Variants in GALNT15 observed in about 807,000 individuals in gnomAD.
GALNT15 encodes the protein UDP-GalNAc transferase T15.
Under a neutral mutation model 66.8 loss-of-function variants are expected in GALNT15, and 67 were observed. The ratio of observed to expected loss-of-function variants is 1.00; its 90% CI spans 0.82 to 1.23. The LOEUF (loss-of-function observed/expected upper bound fraction) is 1.23, where lower values mean the gene tolerates loss of function less well. Among genes scored for constraint, GALNT15 ranks in the 50% most tolerant of loss-of-function variants. The pLI is 0.00. For synonymous variants in GALNT15, 313 were observed against 311.5 expected, an observed-to-expected ratio of 1.00 and a Z score of -0.05; for missense variants, 827 against 804.3, an observed-to-expected ratio of 1.03 and a Z score of -0.34.
At chr3:16,232,497 TA>T (rs2064094138), downstream of GALNT15, among the ~76,000 whole-genome samples, 3 of 87,122 alleles carry the variant, frequency 3.4e-5, no homozygotes, top group African/African-American at 1.5e-4. Flanking sequence ...TATATATATA[TA>T]TATATATATA....
In GALNT15 at chr3:16,212,703, GC is replaced by G. The variant is rs779259730; in HGVS notation, c.1333del (p.Leu445TrpfsTer18). The G allele has an allele frequency of 6.2e-7, 1 of 1,614,024 alleles. No individual in the cohort carries two copies. The highest frequency in any genetic ancestry group is 1.3e-5 in the African/African-American group (1 of 75,048). Reference sequence around the variant, plus strand: ...ACAGGGTTCGCATTGCTGAGACCTGGCTGGGGTCATTCAAAGAAACCTTCTA... The same window carrying G: ...ACAGGGTTCGCATTGCTGAGACCTGGTGGGGTCATTCAAAGAAACCTTCTA... ...RNRVRIAETW[L>X]GSFKETFYKH... On this transcript the variant is annotated frameshift_variant, in exon 6 of 10. Transcript: ENST00000339732. LOFTEE classifies it high-confidence loss of function.
In GALNT15 at chr3:16,195,754, C is replaced by G; in HGVS notation, c.540-6C>G. 6.2e-7 allele frequency: 1 copy of G among 1,608,262 alleles called. No individual in the cohort carries two copies. Among genetic ancestry groups the G allele is most frequent in the Non-Finnish European group, 8.5e-7 (1 of 1,175,882 alleles). On this transcript the variant is annotated splice_region_variant and splice_polypyrimidine_tract_variant and intron_variant, in intron 1 of 9. Transcript: ENST00000339732. This position sits in a 1 kb window ranked among gnomAD's most constrained non-coding sequence, Gnocchi z 4.6. ...CCCCATGGCTCTCTGGCTCTCTTCC[C>G]TGCAGGTGTCTGCAGCAGCACCCTC...
At chr3:16,205,142 C>T (rs549873171) in intron 3 of GALNT15, among the ~76,000 whole-genome samples, 2 of 152,312 alleles carry the variant, frequency 1.3e-5, no homozygotes, top group South Asian at 2.1e-4. Flanking sequence ...GCCAGTCCTG[C>T]GGTCACAACT....
chr3:16,227,444 G>A lies in GALNT15; in HGVS notation c.1864G>A (p.Gly622Arg). 1 of 1,614,182 alleles carries A rather than the reference G, an allele frequency of 6.2e-7. No homozygotes were observed. Among genetic ancestry groups the A allele is most frequent in the Non-Finnish European group, 8.5e-7 (1 of 1,180,028 alleles). Residue 622 changes from glycine to arginine, a missense_variant, in exon 10 of 10, where the codon GGA (glycine) becomes AGA (arginine). Physicochemically the swap from Gly to Arg is moderately radical, Grantham distance 125. Transcript: ENST00000339732. The surrounding 1 kb of genome is among the most constrained non-coding windows in gnomAD (Gnocchi z 4.5). ...AGATTTGTACCTGCGTCCGTGTGATGGAAAAGCCCGCCAGCAGTGGCGTTT... is the reference window on the plus strand; with the variant it reads ...AGATTTGTACCTGCGTCCGTGTGATAGAAAAGCCCGCCAGCAGTGGCGTTT... ...NKDLYLRPCD[G>R]KARQQWRFDQ... is the part of the protein sequence containing the mutation.
intron 8 of GALNT15, among the ~76,000 whole-genome samples, chr3:16,220,661 A>G (rs1171118885): frequency 6.6e-6 from 1 of 152,258 alleles, no homozygotes; most frequent in Non-Finnish European, 1.5e-5. Flanking sequence ...CTTTTAAGTT[A>G]TCACATCCCA....
chr3:16,179,308 C>T (rs1264587900), intron 1 of GALNT15, among the ~76,000 whole-genome samples: 1 of 152,148 alleles, frequency 6.6e-6, no homozygotes, highest in African/African-American at 2.4e-5. Context: ...GTTATCTGAC[C>T]AGGTGAGTCT....
chr3:16,226,187 G>A (rs934103295), intron 9 of GALNT15, among the ~76,000 whole-genome samples: 2 of 152,206 alleles, frequency 1.3e-5, no homozygotes, highest in Non-Finnish European at 2.9e-5. Context: ...GTTTCTGGGA[G>A]GAGGGAGGAA....
At chr3:16,248,079 A>G in the GALNT15 span, among the ~76,000 whole-genome samples, 1 of 152,192 alleles carries the variant, frequency 6.6e-6, no homozygotes, top group Non-Finnish European at 1.5e-5. This position sits in a 1 kb window ranked among gnomAD's most constrained non-coding sequence, Gnocchi z 4.9. Flanking sequence ...TTTCTCCTGC[A>G]GTTTACTGAC....
chr3:16,226,623 T>A lies in GALNT15; in HGVS notation c.1774-731T>A, dbSNP rs1037405460. ...TCAAGAAAACAGCAAGGGGGAAGTC[T>A]GCCCCATGATTCAATCACCTCCCAC... On this transcript the variant is annotated intron_variant, in intron 9 of 9. Coordinates refer to ENST00000339732, the MANE Select transcript of GALNT15 (RefSeq NM_054110.5). Among the ~76,000 whole-genome samples the A allele has an allele frequency of 9.2e-5, 14 of 152,264 alleles. No individual in the cohort carries two copies. In the East Asian group the frequency reaches 2.7e-3, roughly 29 times the overall value.
In GALNT15 at chr3:16,175,737, G is replaced by T. The variant is rs758534312; in HGVS notation, c.539+47G>T. ...CCTTCCCTGATCCCAGGGCATGATC[G>T]GGTGGTAGCAAACTCGGGAATGCAA... is the stretch of plus-strand genomic sequence containing the variant. On this transcript the variant is annotated intron_variant, in intron 1 of 9. Transcript: ENST00000339732. The surrounding 1 kb of genome is among the most constrained non-coding windows in gnomAD (Gnocchi z 5.6). 2.0e-6 allele frequency: 3 copies of T among 1,492,482 alleles called. No homozygotes were observed. Among genetic ancestry groups the T allele is most frequent in the Non-Finnish European group, 1.8e-6 (2 of 1,116,478 alleles). The allele number at this position is 1,492,482 out of a possible 1,614,324, so 92.5% of individuals were successfully genotyped here.
chr3:16,200,983 A>G lies in GALNT15; in HGVS notation c.911+160A>G, dbSNP rs1187830959. On this transcript the variant is annotated intron_variant, in intron 3 of 9. Transcript: ENST00000339732. The surrounding 1 kb of genome is among the most constrained non-coding windows in gnomAD (Gnocchi z 4.4). ...TCAGATGTGTAAGTTTTTTAAGACT[A>G]TAGAGTTAGAGTTGGAAAGGAGGTT... 6.6e-6 allele frequency among the ~76,000 whole-genome samples: 1 copy of G among 151,962 alleles called. No homozygotes were observed. The highest frequency in any genetic ancestry group is 2.4e-5 in the African/African-American group (1 of 41,254).
In GALNT15 at chr3:16,189,877, G is replaced by T. The variant is rs896271130; in HGVS notation, c.540-5883G>T. ...TGAGAAATGAGAATTAGTGACTGAA[G>T]TATAACTGAGTCTGTTGGTCTGGAG... On this transcript the variant is annotated intron_variant, in intron 1 of 9. Coordinates refer to ENST00000339732, the MANE Select transcript of GALNT15 (RefSeq NM_054110.5). The surrounding 1 kb of genome is among the most constrained non-coding windows in gnomAD (Gnocchi z 5.1). Among the ~76,000 whole-genome samples, 2 of 152,224 alleles carry T rather than the reference G, an allele frequency of 1.3e-5. No homozygotes were observed. Among genetic ancestry groups the T allele is most frequent in the Non-Finnish European group, 2.9e-5 (2 of 68,036 alleles).
chr3:16,211,651 A>T lies in GALNT15; in HGVS notation c.1197+410A>T, dbSNP rs533078318. Among the ~76,000 whole-genome samples, 1 of 152,300 alleles carries T rather than the reference A, an allele frequency of 6.6e-6. No individual in the cohort carries two copies. Among genetic ancestry groups the T allele is most frequent in the South Asian group, 2.1e-4 (1 of 4,826 alleles). On this transcript the variant is annotated intron_variant, in intron 5 of 9. Transcript: ENST00000339732. This position sits in a 1 kb window ranked among gnomAD's most constrained non-coding sequence, Gnocchi z 4.3. ...AAACAATGTAATACTTGTCATAAAA[A>T]CTTAGCACCTGTTGGGCACCACACA...
Position 16,219,936 on chromosome 3 carries a change from T to G in GALNT15, c.1551T>G (p.Cys517Trp), listed in dbSNP as rs138001929. 10 of 1,614,092 alleles carry G rather than the reference T, an allele frequency of 6.2e-6. No individual in the cohort carries two copies. The highest frequency in any genetic ancestry group is 8.5e-6 in the Non-Finnish European group (10 of 1,180,042). ...TCCACAACACTGGACTTGGGCTCTGTGCAGACTGCCAGGCAGAAGGGGACA... is the reference window on the plus strand; with the variant it reads ...TCCACAACACTGGACTTGGGCTCTGGGCAGACTGCCAGGCAGAAGGGGACA... ...GKLHNTGLGL[C>W]ADCQAEGDIL... Residue 517 changes from cysteine to tryptophan, a missense_variant, in exon 8 of 10, where the codon TGT becomes TGG. Physicochemically the swap from Cys to Trp is radical, Grantham distance 215. Transcript: ENST00000339732. The surrounding 1 kb of genome is among the most constrained non-coding windows in gnomAD (Gnocchi z 4.3).
chr3:16,244,594 C>A, the GALNT15 span, among the ~76,000 whole-genome samples: 1 of 152,200 alleles, frequency 6.6e-6, no homozygotes, highest in African/African-American at 2.4e-5. Context: ...CTAGAGAAAG[C>A]TACATGTTTT....
rs369482603 is a variant in GALNT15 at position 16,224,607 on chromosome 3, T to C, written c.1773+1849T>C. ...TCTGTTTCATAACAATGTGAATATA[T>C]TTAACACTATTGTAGTAGGCTATTC... On this transcript the variant is annotated intron_variant, in intron 9 of 9. Transcript: ENST00000339732. The surrounding 1 kb of genome is among the most constrained non-coding windows in gnomAD (Gnocchi z 5.2). Among the ~76,000 whole-genome samples the C allele has an allele frequency of 1.3e-5, 2 of 151,600 alleles. No individual in the cohort carries two copies. Among genetic ancestry groups the C allele is most frequent in the South Asian group, 4.2e-4 (2 of 4,796 alleles).
At chr3:16,201,768 A>G (rs1394269132) in intron 3 of GALNT15, among the ~76,000 whole-genome samples, 1 of 152,146 alleles carries the variant, frequency 6.6e-6, no homozygotes, top group Non-Finnish European at 1.5e-5. Flanking sequence ...CTGACCGTCA[A>G]TCTCTTTCTC....
In GALNT15 at chr3:16,212,655, C is replaced by T. The variant is rs754790636; in HGVS notation, c.1284C>T (p.Leu428=). 2.0e-5 allele frequency: 32 copies of T among 1,613,850 alleles called. No homozygotes were observed. Among genetic ancestry groups the T allele is most frequent in the Non-Finnish European group, 2.5e-5 (30 of 1,179,982 alleles). The change falls in exon 6 of 10, where the codon CTC becomes CTT. Residue 428 remains leucine (L), a synonymous_variant. Coordinates refer to ENST00000339732, the MANE Select transcript of GALNT15 (RefSeq NM_054110.5). ...AAAATCAGGATTCCCATTCCCCCCTCGACCAGGAGGCCACCCTGAGGAACA... is the reference window on the plus strand; with the variant it reads ...AAAATCAGGATTCCCATTCCCCCCTTGACCAGGAGGCCACCCTGAGGAACA... ...IYQNQDSHSP[L]DQEATLRNRV...
Position 16,229,731 on chromosome 3 carries a change from A to G in GALNT15, c.*2231A>G, listed in dbSNP as rs2064064190. ...ATAAATTAATATAATTAAATAAAAG[A>G]CTGAATTTAATTGCATAAATTGTAT... On this transcript the variant is annotated 3_prime_UTR_variant, in exon 10 of 10. Transcript: ENST00000339732. 1 of 978,114 alleles carries G rather than the reference A, an allele frequency of 1.0e-6. No individual in the cohort carries two copies. The highest frequency in any genetic ancestry group is 1.2e-6 in the Non-Finnish European group (1 of 823,280). 60.6% of individuals were successfully genotyped at this position (978,114 alleles called of 1,614,324 possible).
Sources: allele counts gnomAD v4.1 joint callset (sites outside exome capture counted in the v4.1 genomes callset), GRCh38; gene constraint gnomAD v4.1.1; non-coding constraint Gnocchi (gnomAD v3.1); transcripts MANE v1.5; gene names NCBI Gene and HGNC (gene_info 2026-07-23, HGNC 2026-07-21).